Variants in ARHGEF28 observed in about 807,000 individuals in gnomAD.
The protein encoded by ARHGEF28 is 190 kDa guanine nucleotide exchange factor.
ARHGEF28 carries 152 observed loss-of-function variants against 206.6 expected under a neutral mutation model. The ratio of observed to expected loss-of-function variants is 0.74; its 90% CI spans 0.64 to 0.84. The LOEUF (loss-of-function observed/expected upper bound fraction) is 0.84. Ranked by LOEUF, ARHGEF28 falls within the 40% of genes least tolerant of loss-of-function variation. The pLI, the probability that ARHGEF28 is intolerant of heterozygous loss-of-function variation, is 0.00. For missense variants in ARHGEF28, 2,028 were observed against 2,073.2 expected (o/e 0.98, Z 0.42); for synonymous variants, 763 against 776.4 (o/e 0.98, Z 0.29).
chr5:73,903,550 G>C (rs1256024799), intron 31 of ARHGEF28: 1 of 152,370 alleles, frequency 6.6e-6, no homozygotes, highest in African/African-American at 2.4e-5. Flanking sequence ...CTGTGGAAGA[G>C]ACAAAGAACA....
At chr5:73,883,190 G>A (rs185058349) in intron 23 of ARHGEF28, among the ~76,000 whole-genome samples, 1 of 151,810 alleles carries the variant, frequency 6.6e-6, no homozygotes, top group African/African-American at 2.4e-5. Flanking sequence ...TGATTTATTT[G>A]TTGAAGAAAT....
chr5:73,672,416 G>C lies in ARHGEF28; in HGVS notation c.-11-12425G>C, dbSNP rs141424056. On this transcript the variant is annotated intron_variant, in intron 1 of 35. Transcript: ENST00000513042. Reference sequence around the variant, plus strand: ...TGCCTGACATTACCATGTTCTGCCAGTCCAGTGGTCTTCCTCCTTGCATCC... The same window carrying C: ...TGCCTGACATTACCATGTTCTGCCACTCCAGTGGTCTTCCTCCTTGCATCC... Among the ~76,000 whole-genome samples the C allele has an allele frequency of 4.0e-4, 61 of 152,266 alleles. No individual in the cohort carries two copies. In the East Asian group the frequency reaches 0.011, roughly 27 times the overall value.
chr5:73,909,757 AGCCTGGAGCGGCTGAGGGAGGGCCAGC>A lies in ARHGEF28; in HGVS notation c.4514_4540del (p.Glu1505_Leu1513del). The A allele has an allele frequency of 6.6e-7, 1 of 1,510,822 alleles. No homozygotes were observed. The highest frequency in any genetic ancestry group is 8.8e-7 in the Non-Finnish European group (1 of 1,130,470). The allele number at this position is 1,510,822 out of a possible 1,614,324, so 93.6% of individuals were successfully genotyped here. The stretch of plus-strand genomic sequence containing the variant: ...CCTCCAGCTCCAGGAGTACCAGCAC[AGCCTGGAGCGGCTGAGGGAGGGCCAGC>A]GCCTGGTGGAGAGGGAGCAGGCGAG... On this transcript the variant is annotated inframe_deletion, in exon 34 of 36. Transcript: ENST00000513042.
chr5:73,832,919 A>G (rs372804414), intron 10 of ARHGEF28, among the ~76,000 whole-genome samples: 1 of 152,258 alleles, frequency 6.6e-6, no homozygotes, highest in Non-Finnish European at 1.5e-5. Context: ...CAACGCATCT[A>G]TTAACATGTA....
At chr5:73,827,337 G>A (rs897879433) in intron 9 of ARHGEF28, among the ~76,000 whole-genome samples, 1 of 151,956 alleles carries the variant, frequency 6.6e-6, no homozygotes, top group African/African-American at 2.4e-5. Flanking sequence ...ATTATAGCAG[G>A]GGTTGAAATT....
At chr5:73,714,983 TTGA>T (rs1314334635) in intron 2 of ARHGEF28, among the ~76,000 whole-genome samples, 2 of 152,240 alleles carry the variant, frequency 1.3e-5, no homozygotes, top group African/African-American at 4.8e-5. Context: ...GGTGAGATCT[TTGA>T]TGATATCTTT....
chr5:73,882,199 G>A (rs751397822), intron 22 of ARHGEF28, among the ~76,000 whole-genome samples: 12 of 152,008 alleles, frequency 7.9e-5, no homozygotes, highest in Non-Finnish European at 1.2e-4. Context: ...TAACTAAGAT[G>A]AGAATAAAAT....
Position 73,909,891 on chromosome 5 carries a change from C to A in ARHGEF28, c.4641C>A (p.Gly1547=). The change falls in exon 34 of 36, where the codon GGC becomes GGA. Residue 1547 remains glycine (G), a synonymous_variant. Transcript: ENST00000513042. The part of the protein sequence containing the change: ...RSLPAVLLPG[G]PEVMELNRSE... ...TGCCCGCGGTGCTCCTTCCGGGTGG[C>A]CCCGAGGTATGGACCTTCTGCGGTG... 1 of 1,507,592 alleles carries A rather than the reference C, an allele frequency of 6.6e-7. No individual in the cohort carries two copies. Among genetic ancestry groups the A allele is most frequent in the Non-Finnish European group, 8.8e-7 (1 of 1,140,408 alleles). 93.4% of individuals were successfully genotyped at this position (1,507,592 alleles called of 1,614,324 possible). A position where few individuals can be genotyped will look rare whatever the true frequency, so the allele number is the denominator to read the frequency against.
At chr5:73,783,596 A>G (rs187882246) in intron 7 of ARHGEF28, among the ~76,000 whole-genome samples, 110 of 152,258 alleles carry the variant, frequency 7.2e-4, no homozygotes, top group African/African-American at 2.5e-3. Context: ...GCTGAAAGCA[A>G]CGCAGAAGAG....
intron 35 of ARHGEF28, among the ~76,000 whole-genome samples, chr5:73,938,997 T>C (rs1330726700): frequency 2.0e-5 from 3 of 151,546 alleles, no homozygotes; most frequent in African/African-American, 4.9e-5. Flanking sequence ...AAATGTAGTA[T>C]GTAAGGGAGG....
At chr5:73,923,239 A>G in intron 35 of ARHGEF28, 1 of 1,364,766 alleles carries the variant, frequency 7.3e-7, no homozygotes, top group Non-Finnish European at 9.9e-7. Context: ...TGGTTTTTAA[A>G]ATGTTTTGGT....
chr5:73,743,110 T>C (rs901832466), intron 2 of ARHGEF28, among the ~76,000 whole-genome samples: 2 of 152,242 alleles, frequency 1.3e-5, no homozygotes, highest in East Asian at 3.8e-4. Context: ...TCCATGTTTC[T>C]GTTTGAGATT....
At chr5:73,809,738 C>T (rs1393242649) in intron 9 of ARHGEF28, among the ~76,000 whole-genome samples, 1 of 152,206 alleles carries the variant, frequency 6.6e-6, no homozygotes, top group Non-Finnish European at 1.5e-5. Flanking sequence ...AGTATCTTCT[C>T]TGAATAATTA....
chr5:73,648,372 T>A (rs912632834), intron 1 of ARHGEF28, among the ~76,000 whole-genome samples: 4 of 152,258 alleles, frequency 2.6e-5, no homozygotes, highest in Non-Finnish European at 5.9e-5. Flanking sequence ...GGAACCCTTA[T>A]ACTGTCAGTT....
intron 1 of ARHGEF28, among the ~76,000 whole-genome samples, chr5:73,639,789 G>A (rs868599463): frequency 6.6e-6 from 1 of 152,086 alleles, no homozygotes; most frequent in Non-Finnish European, 1.5e-5. Flanking sequence ...GACGTGTTGG[G>A]GGTTGACATT....
chr5:73,658,056 A>G (rs1745330876), intron 1 of ARHGEF28, among the ~76,000 whole-genome samples: 1 of 152,106 alleles, frequency 6.6e-6, no homozygotes, highest in Admixed American at 6.5e-5. Flanking sequence ...AGTAATTCTG[A>G]AACAGAGTCC....
chr5:73,754,980 C>T lies in ARHGEF28; in HGVS notation c.475+1778C>T, dbSNP rs1752223173. 2.0e-5 allele frequency among the ~76,000 whole-genome samples: 3 copies of T among 151,860 alleles called. No homozygotes were observed. In the South Asian group the frequency reaches 6.2e-4, roughly 32 times the overall value. On this transcript the variant is annotated intron_variant, in intron 4 of 35. Coordinates refer to ENST00000513042, the MANE Select transcript of ARHGEF28 (RefSeq NM_001177693.2). ...CACCTGGCCTCAGGCGAGCCTCCCA[C>T]CTCAGCCTCCCCAGTAGCTGGGATT...
rs141289665 is a variant in ARHGEF28, at chr5:73,717,147, C to T, written c.33+32263C>T. Among the ~76,000 whole-genome samples, 935 of 152,236 alleles carry T rather than the reference C, an allele frequency of 6.1e-3. 13 individuals carry two copies. Among genetic ancestry groups the T allele is most frequent in the Non-Finnish European group, 7.0e-3 (475 of 68,012 alleles). The stretch of plus-strand genomic sequence containing the variant: ...GCTCAGGTTAATTAACAGAATGCGA[C>T]TCCATAATTCCACAGTGATAGTTTG... On this transcript the variant is annotated intron_variant, in intron 2 of 35. Transcript: ENST00000513042.
chr5:73,886,175 A>G, intron 25 of ARHGEF28, 71 bp downstream of exon 25: 2 of 1,512,900 alleles, frequency 1.3e-6, no homozygotes, highest in Non-Finnish European at 1.8e-6. Flanking sequence ...CAGATTTTCA[A>G]AAGAAAAACA....
Sources: allele counts gnomAD v4.1 joint callset (sites outside exome capture counted in the v4.1 genomes callset), GRCh38; gene constraint gnomAD v4.1.1; transcripts MANE v1.5; gene names NCBI Gene and HGNC (gene_info 2026-07-23, HGNC 2026-07-21).